Variants in VAV2 observed in about 807,000 individuals in gnomAD.
The protein encoded by VAV2 is vav guanine nucleotide exchange factor 2.
A neutral mutation model predicts 132.5 loss-of-function variants in VAV2; 67 were observed. That is an observed-to-expected ratio of 0.51 (90% CI 0.42 to 0.62). The LOEUF (loss-of-function observed/expected upper bound fraction) is 0.62. Ranked by LOEUF, VAV2 falls within the 20% of genes least tolerant of loss-of-function variation. The pLI, the probability that VAV2 is intolerant of heterozygous loss-of-function variation, is 0.00. For synonymous variants in VAV2, 492 were observed against 443.5 expected (o/e 1.11, Z -1.37); for missense variants, 938 against 1,153.6 (o/e 0.81, Z 2.71).
At chr9:133,810,551 G>T (rs923330758) in intron 5 of VAV2, among the ~76,000 whole-genome samples, 3 of 152,218 alleles carry the variant, frequency 2.0e-5, no homozygotes. Context: ...GAGGACCCTG[G>T]CAGGAAGCAG....
At chr9:133,866,531 C>T (rs115250580) in intron 2 of VAV2, among the ~76,000 whole-genome samples, 5,901 of 152,054 alleles carry the variant, frequency 0.039, 353 homozygotes, top group African/African-American at 0.13. Flanking sequence ...TGGCCAGGCG[C>T]GGTGGCTCAC....
intron 26 of VAV2, among the ~76,000 whole-genome samples, chr9:133,771,697 G>C (rs1433482555): frequency 6.6e-6 from 1 of 152,184 alleles, no homozygotes. Context: ...GCTGCTGGTG[G>C]CCTGGGCTGC....
intron 2 of VAV2, chr9:133,927,891 T>A (rs879537084): frequency 1.3e-5 from 2 of 152,102 alleles, no homozygotes; most frequent in Non-Finnish European, 2.9e-5. Flanking sequence ...CCTCCTAGGA[T>A]CCTGTGAGCA....
At chr9:133,985,410 T>G (rs1219415898) in intron 1 of VAV2, among the ~76,000 whole-genome samples, 4 of 152,066 alleles carry the variant, frequency 2.6e-5, no homozygotes, top group African/African-American at 9.7e-5. Context: ...GCCTCCCGAG[T>G]AGCTGGAACT....
At chr9:133,925,230 C>G (rs1194758331) in intron 2 of VAV2, among the ~76,000 whole-genome samples, 5 of 152,182 alleles carry the variant, frequency 3.3e-5, no homozygotes, top group Non-Finnish European at 7.3e-5. Context: ...TTCTTCCCCC[C>G]ACCGGAGACA....
chr9:133,964,514 A>G (rs1440150253), intron 1 of VAV2, among the ~76,000 whole-genome samples: 2 of 152,156 alleles, frequency 1.3e-5, no homozygotes, highest in Non-Finnish European at 2.9e-5. Context: ...AATACATTTT[A>G]GCACAACATA....
rs1837658874 is a variant in VAV2 at position 133,863,015 on chromosome 9, C to T, written c.322-1583G>A. Among the ~76,000 whole-genome samples, 1 of 152,200 alleles carries T rather than the reference C, an allele frequency of 6.6e-6. No homozygotes were observed. The highest frequency in any genetic ancestry group is 2.4e-5 in the African/African-American group (1 of 41,444). On this transcript the variant is annotated intron_variant, in intron 2 of 29. Transcript: ENST00000371850. This position sits in a 1 kb window ranked among gnomAD's most constrained non-coding sequence, Gnocchi z 5.0. Reference sequence around the variant, plus strand: ...GACAGGGTCCTTCTGTGCTTCCTCACACAAGACTCGATGGGCCCATTATGC... The same window carrying T: ...GACAGGGTCCTTCTGTGCTTCCTCATACAAGACTCGATGGGCCCATTATGC...
chr9:133,910,838 G>A (rs803438), intron 2 of VAV2, among the ~76,000 whole-genome samples: 68,203 of 128,840 alleles, frequency 0.53, 18,797 homozygotes, highest in East Asian at 0.68. Context: ...AAAAAAAAAA[G>A]AAAAAGAAAA....
At position 133,763,733 on chromosome 9, in the gene VAV2, T is replaced by C. The variant is rs1833340256; in HGVS notation, c.*329A>G. 2 of 359,290 alleles carry C rather than the reference T, an allele frequency of 5.6e-6. No individual in the cohort carries two copies. Among genetic ancestry groups the C allele is most frequent in the South Asian group, 6.3e-5 (2 of 31,676 alleles). 22.3% of individuals were successfully genotyped at this position (359,290 alleles called of 1,614,324 possible). A position where few individuals can be genotyped will look rare whatever the true frequency, so the allele number is the denominator to read the frequency against. ...CTAGGCTCCTGAAGGCCATCTCAGTTGGACAGGGGCAGGCGATGGGCCTCT... is the reference window on the plus strand; with the variant it reads ...CTAGGCTCCTGAAGGCCATCTCAGTCGGACAGGGGCAGGCGATGGGCCTCT... On this transcript the variant is annotated 3_prime_UTR_variant, in exon 30 of 30. Transcript: ENST00000371850. The surrounding 1 kb of genome is among the most constrained non-coding windows in gnomAD (Gnocchi z 6.8).
Position 133,871,467 on chromosome 9 carries a change from CGGATGGATGGATGGATGGAT to C in VAV2, c.322-10055_322-10036del, listed in dbSNP as rs149156422. On this transcript the variant is annotated intron_variant, in intron 2 of 29. Transcript: ENST00000371850. ...ATGGATGGATGGATGGATGGAGAAG[CGGATGGATGGATGGATGGAT>C]GGATGGATGGATGGATGGATGGATG... Among the ~76,000 whole-genome samples the C allele has an allele frequency of 9.1e-3, 1,285 of 141,114 alleles. 36 individuals carry two copies. The highest frequency in any genetic ancestry group is 0.055 in the Admixed American group (789 of 14,242). 92.6% of individuals were successfully genotyped at this position (141,114 alleles called of 152,430 possible). A position where few individuals can be genotyped will look rare whatever the true frequency, so the allele number is the denominator to read the frequency against.
intron 2 of VAV2, among the ~76,000 whole-genome samples, chr9:133,929,341 T>C (rs1448224802): frequency 6.6e-6 from 1 of 152,064 alleles, no homozygotes; most frequent in Non-Finnish European, 1.5e-5. Context: ...GGGGAGCAGA[T>C]GGGAAGTCCA....
At chr9:133,963,379 G>A (rs1842025810) in intron 1 of VAV2, among the ~76,000 whole-genome samples, 1 of 152,184 alleles carries the variant, frequency 6.6e-6, no homozygotes, top group Non-Finnish European at 1.5e-5. Context: ...GGAGGGCTGG[G>A]GGCACCCAGG....
chr9:133,823,459 A>G lies in VAV2; in HGVS notation c.449+10813T>C. Among the ~76,000 whole-genome samples, 1 of 152,240 alleles carries G rather than the reference A, an allele frequency of 6.6e-6. No individual in the cohort carries two copies. Among genetic ancestry groups the G allele is most frequent in the East Asian group, 1.9e-4 (1 of 5,196 alleles). On this transcript the variant is annotated intron_variant, in intron 4 of 29. Coordinates refer to ENST00000371850, the MANE Select transcript of VAV2 (RefSeq NM_001134398.2). The surrounding 1 kb of genome is among the most constrained non-coding windows in gnomAD (Gnocchi z 5.5). ...TGATGGGACTTCTACAATAAAACCC[A>G]GCATGTGACGCTTGTTCATTTTAGA...
chr9:133,954,874 G>A (rs552186110), intron 1 of VAV2, among the ~76,000 whole-genome samples: 9 of 152,292 alleles, frequency 5.9e-5, no homozygotes, highest in African/African-American at 2.2e-4. Context: ...ACATCTGCAG[G>A]AGGGCAAGGA....
rs1836369602 is a variant in VAV2, at chr9:133,834,146, G to A, written c.449+126C>T. ...ACCCATCATGAGGAGATGCCCCGGT[G>A]GGAAGGGCCAGGGCCAGCTCTGCCT... On this transcript the variant is annotated intron_variant, in intron 4 of 29. Coordinates refer to ENST00000371850, the MANE Select transcript of VAV2 (RefSeq NM_001134398.2). The surrounding 1 kb of genome is among the most constrained non-coding windows in gnomAD (Gnocchi z 5.9). 1 of 1,081,046 alleles carries A rather than the reference G, an allele frequency of 9.3e-7. No individual in the cohort carries two copies. The highest frequency in any genetic ancestry group is 1.3e-6 in the Non-Finnish European group (1 of 748,382). 67.0% of individuals were successfully genotyped at this position (1,081,046 alleles called of 1,614,324 possible).
chr9:133,829,281 A>C (rs1339029758), intron 4 of VAV2, among the ~76,000 whole-genome samples: 1 of 152,276 alleles, frequency 6.6e-6, no homozygotes, highest in African/African-American at 2.4e-5. Context: ...TTTTTCAACC[A>C]GCTGCTCTTA....
intron 5 of VAV2, among the ~76,000 whole-genome samples, chr9:133,811,333 C>T (rs768867532): frequency 6.6e-6 from 1 of 152,248 alleles, no homozygotes; most frequent in Non-Finnish European, 1.5e-5. Flanking sequence ...TCTGCTTCTC[C>T]ACCACCAGCT....
Position 133,795,685 on chromosome 9 carries a change from C to T in VAV2, c.1084G>A (p.Ala362Thr). The T allele has an allele frequency of 6.2e-7, 1 of 1,614,170 alleles. No individual in the cohort carries two copies. The highest frequency in any genetic ancestry group is 8.5e-7 in the Non-Finnish European group (1 of 1,179,998). ...CCACACACCTGCATGGCTTCCAGTG[C>T]TTCTTTGAGCTGCTGCCTCTCAGGC... is the stretch of plus-strand genomic sequence containing the variant. ...ERPERQQLKE[A>T]LEAMQDLAMY... The change falls in exon 12 of 30, where the codon GCA becomes ACA. Residue 362 changes from alanine (A) to threonine (T), a missense_variant. By Grantham distance (58) the Ala-to-Thr change is moderately conservative. Transcript: ENST00000371850.
intron 4 of VAV2, 47 bp from the exon 5 acceptor site, chr9:133,812,263 C>T: frequency 6.3e-7 from 1 of 1,583,052 alleles, no homozygotes; most frequent in Non-Finnish European, 8.7e-7. Flanking sequence ...CTCCCGCCAC[C>T]CTGACCGGGG....
Sources: gnomAD v4.1 joint callset for allele counts (sites outside exome capture counted in the v4.1 genomes callset) on GRCh38, gnomAD v4.1.1 for gene constraint, Gnocchi (gnomAD v3.1) non-coding constraint, MANE v1.5 for transcripts, NCBI Gene and HGNC (gene_info 2026-07-23, HGNC 2026-07-21) for gene names.